The following BCCIP variants were observed in gnomAD, a reference collection of about 807,000 sequenced individuals.
BCCIP encodes the protein BRCA2 and CDKN1A interacting protein.
BCCIP carries 23 observed loss-of-function variants against 32.8 expected under a neutral mutation model. The ratio of observed to expected loss-of-function variants is 0.70; its 90% CI spans 0.51 to 0.99. The LOEUF is 0.99. BCCIP is among the 50% of genes least tolerant of loss of function. The probability of loss-of-function intolerance (pLI) is 0.00; values close to 1 mark genes in which losing one functional copy is unlikely to be tolerated. For missense variants in BCCIP, 378 were observed against 379.8 expected, an observed-to-expected ratio of 1.00 and a Z score of 0.04; for synonymous variants, 144 against 137.6, an observed-to-expected ratio of 1.05 and a Z score of -0.33.
intron 7 of BCCIP, among the ~76,000 whole-genome samples, chr10:125,852,093 T>C (rs543821726): frequency 1.6e-4 from 24 of 152,308 alleles, no homozygotes; most frequent in Admixed American, 1.4e-3. Flanking sequence ...GTCAGAACAG[T>C]TATTTCCTAG....
chr10:125,831,508 A>G lies in BCCIP; in HGVS notation c.500A>G (p.Lys167Arg), dbSNP rs369785811. 9 of 1,614,082 alleles carry G rather than the reference A, an allele frequency of 5.6e-6. No individual in the cohort carries two copies. The highest frequency in any genetic ancestry group is 7.6e-6 in the Non-Finnish European group (9 of 1,180,034). Residue 167 changes from lysine (K) to arginine (R), a missense_variant, in exon 5 of 7, where the codon AAG (lysine) becomes AGG (arginine). By Grantham distance (26) the Lys-to-Arg change is conservative. Coordinates refer to ENST00000278100, the MANE Select transcript of BCCIP (RefSeq NM_078468.3). ...CEKSMVEQLD[K>R]FLNDTTKPVG... ...AAGAGCATGGTTGAACAGCTGGACA[A>G]GTTTTTAAATGACACCACCAAGCCT...
chr10:125,846,003 C>T (rs1023297798), downstream of BCCIP, among the ~76,000 whole-genome samples: 1 of 152,240 alleles, frequency 6.6e-6, no homozygotes, highest in Non-Finnish European at 1.5e-5. Context: ...GCCCAGGCCT[C>T]AGAAAGGACT....
chr10:125,840,770 G>T, downstream of BCCIP: 1 of 1,436,796 alleles, frequency 7.0e-7, no homozygotes, highest in South Asian at 1.6e-5. Context: ...AATGTTTGAT[G>T]AATAACTAAT....
downstream of BCCIP, chr10:125,839,040 T>C (rs1854788686): frequency 6.2e-7 from 1 of 1,614,060 alleles, no homozygotes; most frequent in Non-Finnish European, 8.5e-7. Context: ...TCTTTATGTT[T>C]AGAGTGTTTT....
At chr10:125,837,205 G>C (rs147966003), downstream of BCCIP, among the ~76,000 whole-genome samples, 18 of 152,244 alleles carry the variant, frequency 1.2e-4, no homozygotes, top group East Asian at 3.1e-3. Flanking sequence ...GGGGAGAGAG[G>C]GGGTATCTTT....
chr10:125,850,034 A>G (rs931426880), intron 7 of BCCIP, among the ~76,000 whole-genome samples: 6 of 151,846 alleles, frequency 4.0e-5, no homozygotes, highest in Admixed American at 3.3e-4. Context: ...TAGCACGATC[A>G]TAGCTCACTG....
intron 4 of BCCIP, among the ~76,000 whole-genome samples, chr10:125,831,140 T>C (rs1227978565): frequency 6.6e-6 from 1 of 152,254 alleles, no homozygotes; most frequent in African/African-American, 2.4e-5. Flanking sequence ...AACTGTCCAG[T>C]TACTTCCATC....
chr10:125,851,615 C>T (rs1255621777), intron 7 of BCCIP, among the ~76,000 whole-genome samples: 1 of 152,128 alleles, frequency 6.6e-6, no homozygotes, highest in Non-Finnish European at 1.5e-5. Context: ...GGACACACCA[C>T]CCCAAAATAT....
chr10:125,823,775 C>T (rs1304380084), intron 1 of BCCIP, 53 bp downstream of exon 1: 3 of 1,597,356 alleles, frequency 1.9e-6, no homozygotes, highest in African/African-American at 2.7e-5. Flanking sequence ...AACTTTTTGG[C>T]AAGCCCAGGC....
At chr10:125,848,290 A>C (rs1484305242) in intron 7 of BCCIP, among the ~76,000 whole-genome samples, 2 of 152,148 alleles carry the variant, frequency 1.3e-5, no homozygotes, top group African/African-American at 4.8e-5. Flanking sequence ...ACTTAATTTC[A>C]CAGGGACATG....
intron 1 of BCCIP, 45 bp downstream of exon 1, chr10:125,823,767 CTT>C (rs773782540): frequency 5.0e-6 from 8 of 1,604,536 alleles, no homozygotes; most frequent in Admixed American, 1.7e-5. Flanking sequence ...CTGAGAAAAA[CTT>C]TTTGGCAAGC....
intron 1 of BCCIP, chr10:125,826,310 G>T: frequency 2.7e-6 from 1 of 376,448 alleles, no homozygotes; most frequent in Non-Finnish European, 4.8e-6. Flanking sequence ...GGCAATTCCA[G>T]GGACTTTTGA....
In BCCIP at chr10:125,850,030, G is replaced by A. The variant is rs920033125; in HGVS notation, c.851-3095G>A. On this transcript the variant is annotated intron_variant, in intron 7 of 7. Transcript: ENST00000368759. ...CACCCTGTCTGAAGTACAGTAGCACGATCATAGCTCACTGCAACCTTGAAC... is the reference window on the plus strand; with the variant it reads ...CACCCTGTCTGAAGTACAGTAGCACAATCATAGCTCACTGCAACCTTGAAC... Among the ~76,000 whole-genome samples the A allele has an allele frequency of 2.0e-5, 3 of 151,484 alleles. 1 individual carries two copies. Among genetic ancestry groups the A allele is most frequent in the South Asian group, 4.2e-4 (2 of 4,806 alleles).
At chr10:125,848,417 T>C (rs1008838450) in intron 7 of BCCIP, among the ~76,000 whole-genome samples, 1 of 152,234 alleles carries the variant, frequency 6.6e-6, no homozygotes, top group Non-Finnish European at 1.5e-5. Context: ...GCAGACACTC[T>C]ACCCTAATTT....
chr10:125,836,564 T>A, downstream of BCCIP: 1 of 1,368,010 alleles, frequency 7.3e-7, no homozygotes. Flanking sequence ...TACACAGTGT[T>A]ATTTTCTTCA....
At chr10:125,842,541 A>G (rs1396707617) in exon 7 of BCCIP, 1 of 152,308 alleles carries the variant, frequency 6.6e-6, no homozygotes, top group Non-Finnish European at 1.5e-5. Context: ...CTGCCACCTG[A>G]CACAGCTATA....
At chr10:125,849,467 G>A (rs963419878) in intron 7 of BCCIP, among the ~76,000 whole-genome samples, 1 of 152,160 alleles carries the variant, frequency 6.6e-6, no homozygotes, top group Non-Finnish European at 1.5e-5. Context: ...GCATGTTTGC[G>A]TCTCTTTTTC....
chr10:125,850,975 G>C (rs1225951892), intron 7 of BCCIP, among the ~76,000 whole-genome samples: 1 of 152,184 alleles, frequency 6.6e-6, no homozygotes, highest in African/African-American at 2.4e-5. Flanking sequence ...CTACCCCAAT[G>C]GACAGTGACT....
chr10:125,827,353 A>G (rs1179143487), intron 2 of BCCIP, among the ~76,000 whole-genome samples: 1 of 151,628 alleles, frequency 6.6e-6, no homozygotes, highest in Admixed American at 6.6e-5. Context: ...TTACTTCTAT[A>G]TTACTACTGA....
Sources: allele counts gnomAD v4.1 joint callset (sites outside exome capture counted in the v4.1 genomes callset), GRCh38; gene constraint gnomAD v4.1.1; transcripts MANE v1.5; gene names NCBI Gene and HGNC (gene_info 2026-07-23, HGNC 2026-07-21).